TMPRSS11D: variants seen among roughly 807,000 people sequenced by gnomAD.
The protein encoded by TMPRSS11D is transmembrane protease serine 11D.
Under a neutral mutation model 44.4 loss-of-function variants are expected in TMPRSS11D, and 32 were observed. That is an observed-to-expected ratio of 0.72 (90% CI 0.54 to 0.97). TMPRSS11D has a LOEUF of 0.97. Among genes scored for constraint, TMPRSS11D ranks in the 50% least tolerant of loss-of-function variants. TMPRSS11D has a pLI of 0.00. For missense variants in TMPRSS11D, 446 were observed against 502.6 expected, an observed-to-expected ratio of 0.89 and a Z score of 1.08; for synonymous variants, 179 against 177.9, an observed-to-expected ratio of 1.01 and a Z score of -0.05.
At chr4:67,837,490 T>C (rs952212879) in intron 5 of TMPRSS11D, among the ~76,000 whole-genome samples, 1 of 152,152 alleles carries the variant, frequency 6.6e-6, no homozygotes, top group Non-Finnish European at 1.5e-5. Context: ...ACCAGTCTAG[T>C]ATGGGAATCA....
At chr4:67,857,171 A>C (rs945095684) in intron 2 of TMPRSS11D, among the ~76,000 whole-genome samples, 7 of 151,836 alleles carry the variant, frequency 4.6e-5, no homozygotes, top group African/African-American at 1.2e-4. Flanking sequence ...TGTCAAAGAG[A>C]TATTTGTACT....
rs373461901 is a variant in TMPRSS11D, at chr4:67,825,719, G to T, written c.1095+13C>A. On this transcript the variant is annotated intron_variant, in intron 9 of 9. Coordinates refer to ENST00000283916, the MANE Select transcript of TMPRSS11D (RefSeq NM_004262.3). ...CTTGGATGATGACATGGATGAGATT[G>T]TCTTGAGCTTACCTGACATGCGTCC... The T allele has an allele frequency of 2.5e-6, 4 of 1,611,952 alleles. No homozygotes were observed. The highest frequency in any genetic ancestry group is 3.3e-5 in the Admixed American group (2 of 59,762).
In TMPRSS11D at chr4:67,848,102, T is replaced by C. The variant is rs1472686655; in HGVS notation, c.250-5477A>G. Among the ~76,000 whole-genome samples, 6 of 152,236 alleles carry C rather than the reference T, an allele frequency of 3.9e-5. No individual in the cohort carries two copies. In the East Asian group the frequency reaches 1.2e-3, roughly 29 times the overall value. On this transcript the variant is annotated intron_variant, in intron 3 of 9. Coordinates refer to ENST00000283916, the MANE Select transcript of TMPRSS11D (RefSeq NM_004262.3). The stretch of plus-strand genomic sequence containing the variant: ...AAGATTAATTTTAAATTAATATTGC[T>C]TTCTTTCTCCTCCCATGTTCTAGTT...
At position 67,867,917 on chromosome 4, in the gene TMPRSS11D, C is replaced by G. The variant is rs192294164; in HGVS notation, c.9-8239G>C. 2.0e-4 allele frequency among the ~76,000 whole-genome samples: 31 copies of G among 152,130 alleles called. No individual in the cohort carries two copies. In the East Asian group the frequency reaches 4.6e-3, roughly 23 times the overall value. ...TATGAAAAACAATGTGGAGACTTCTCAAATAATTAAAAATAGAACTACCCT... is the reference window on the plus strand; with the variant it reads ...TATGAAAAACAATGTGGAGACTTCTGAAATAATTAAAAATAGAACTACCCT... On this transcript the variant is annotated intron_variant, in intron 1 of 9. Transcript: ENST00000283916.
intron 1 of TMPRSS11D, among the ~76,000 whole-genome samples, chr4:67,876,193 C>CAGAT (rs1208372132): frequency 6.6e-6 from 1 of 152,116 alleles, no homozygotes; most frequent in Non-Finnish European, 1.5e-5. Flanking sequence ...TATAATCAGA[C>CAGAT]AGATCCATGT....
chr4:67,850,580 C>T (rs1162530736), intron 3 of TMPRSS11D, among the ~76,000 whole-genome samples: 1 of 152,220 alleles, frequency 6.6e-6, no homozygotes, highest in African/African-American at 2.4e-5. Context: ...CCCAGGGAAG[C>T]GCAGCAGCAA....
chr4:67,846,369 T>G (rs1718357276), intron 3 of TMPRSS11D, among the ~76,000 whole-genome samples: 1 of 151,728 alleles, frequency 6.6e-6, no homozygotes, highest in South Asian at 2.1e-4. Context: ...TAAACACAGG[T>G]TTTTTTTGTA....
At chr4:67,847,857 T>C (rs1384902034) in intron 3 of TMPRSS11D, among the ~76,000 whole-genome samples, 22 of 152,218 alleles carry the variant, frequency 1.4e-4, no homozygotes, top group Non-Finnish European at 1.5e-5. Flanking sequence ...ATGCATATCC[T>C]CATTTTGGAG....
At chr4:67,846,741 T>C (rs569731121) in intron 3 of TMPRSS11D, among the ~76,000 whole-genome samples, 1 of 152,208 alleles carries the variant, frequency 6.6e-6, no homozygotes, top group South Asian at 2.1e-4. Flanking sequence ...AGTTAATCTT[T>C]TCTCCCAAAT....
At chr4:67,877,627 G>A (rs896991872) in intron 1 of TMPRSS11D, among the ~76,000 whole-genome samples, 1 of 151,958 alleles carries the variant, frequency 6.6e-6, no homozygotes, top group African/African-American at 2.4e-5. Flanking sequence ...CGTCAAATAG[G>A]CCCTTTTCTG....
At chr4:67,823,221 A>G (rs1014783796) in intron 9 of TMPRSS11D, among the ~76,000 whole-genome samples, 1 of 152,172 alleles carries the variant, frequency 6.6e-6, no homozygotes, top group East Asian at 1.9e-4. Context: ...GATGCATAGT[A>G]TATCATCAGA....
intron 6 of TMPRSS11D, among the ~76,000 whole-genome samples, 156 bp downstream of exon 6, chr4:67,834,927 G>A (rs999819784): frequency 2.0e-5 from 3 of 152,004 alleles, no homozygotes; most frequent in African/African-American, 7.2e-5. Context: ...GGGACACTTG[G>A]GATCAGCACT....
At chr4:67,834,530 G>A (rs1186325197) in intron 6 of TMPRSS11D, among the ~76,000 whole-genome samples, 1 of 151,974 alleles carries the variant, frequency 6.6e-6, no homozygotes, top group East Asian at 1.9e-4. Context: ...GGTCAGAGAA[G>A]TAAGTTGCTG....
intron 4 of TMPRSS11D, among the ~76,000 whole-genome samples, chr4:67,842,058 T>C (rs1718244196): frequency 6.6e-6 from 1 of 152,228 alleles, no homozygotes; most frequent in African/African-American, 2.4e-5. Context: ...GCATGCATGC[T>C]GCTACTCCTC....
chr4:67,825,782 A>G lies in TMPRSS11D; in HGVS notation c.1045T>C (p.Ser349Pro). 1.9e-6 allele frequency: 3 copies of G among 1,613,224 alleles called. No individual in the cohort carries two copies. The highest frequency in any genetic ancestry group is 2.5e-6 in the Non-Finnish European group (3 of 1,179,492). Reference protein sequence around the residue: ...APHSYNGAILSGMLCAGVPQG... With the variant: ...APHSYNGAILPGMLCAGVPQG... The stretch of plus-strand genomic sequence containing the variant: ...GGTACTCCAGCACACAGCATTCCAG[A>G]CAAGATGGCTCCATTATAACTATGT... The change falls in exon 9 of 10, where the codon TCT becomes CCT. Residue 349 changes from serine (S) to proline (P), a missense_variant. Ser to Pro is a moderately conservative substitution (Grantham distance 74). Coordinates refer to ENST00000283916, the MANE Select transcript of TMPRSS11D (RefSeq NM_004262.3).
intron 1 of TMPRSS11D, among the ~76,000 whole-genome samples, chr4:67,867,866 G>A (rs1320685256): frequency 1.3e-5 from 2 of 152,126 alleles, no homozygotes; most frequent in African/African-American, 4.8e-5. Context: ...CACACTTTTG[G>A]TGGAAAAGTA....
chr4:67,878,536 C>G (rs766137700), intron 1 of TMPRSS11D, among the ~76,000 whole-genome samples: 7 of 152,276 alleles, frequency 4.6e-5, no homozygotes, highest in Non-Finnish European at 8.8e-5. Flanking sequence ...AGAAAAAGGT[C>G]TGGGCCTTTT....
At chr4:67,849,701 A>T (rs1244715014) in intron 3 of TMPRSS11D, among the ~76,000 whole-genome samples, 1 of 152,208 alleles carries the variant, frequency 6.6e-6, no homozygotes, top group East Asian at 1.9e-4. Context: ...ATGACAAGTG[A>T]ATTGCTAAAT....
At chr4:67,833,019 A>C (rs530135207) in intron 7 of TMPRSS11D, among the ~76,000 whole-genome samples, 185 bp downstream of exon 7, 1 of 152,326 alleles carries the variant, frequency 6.6e-6, no homozygotes, top group African/African-American at 2.4e-5. Flanking sequence ...GAAACAGAGA[A>C]ATAGCACTAA....
Sources: allele counts gnomAD v4.1 joint callset (sites outside exome capture counted in the v4.1 genomes callset), GRCh38; gene constraint gnomAD v4.1.1; transcripts MANE v1.5; gene names NCBI Gene and HGNC (gene_info 2026-07-23, HGNC 2026-07-21).